The following RGS6 variants were observed in gnomAD, a reference collection of about 807,000 sequenced individuals.
The protein encoded by RGS6 is regulator of G-protein signaling 6.
In RGS6, 30 loss-of-function variants were observed where a neutral mutation model predicts 78.5. That is an observed-to-expected ratio of 0.38 (90% CI 0.29 to 0.52). RGS6 has a LOEUF of 0.52. Among genes scored for constraint, RGS6 ranks in the 20% least tolerant of loss-of-function variants. The pLI, the probability that RGS6 is intolerant of heterozygous loss-of-function variation, is 0.85. For missense variants in RGS6, 495 were observed against 609.7 expected (o/e 0.81, Z 1.98); for synonymous variants, 206 against 206.0 (o/e 1.00, Z 0.00).
chr14:72,028,585 GA>G (rs1256540690), intron 2 of RGS6, among the ~76,000 whole-genome samples: 5 of 152,216 alleles, frequency 3.3e-5, no homozygotes, highest in African/African-American at 1.2e-4. Flanking sequence ...GGTTTCAAAG[GA>G]CAGGCATCCT....
intron 1 of RGS6, among the ~76,000 whole-genome samples, chr14:71,952,536 G>A (rs1188606154): frequency 6.6e-6 from 1 of 151,860 alleles, no homozygotes; most frequent in African/African-American, 2.4e-5. Flanking sequence ...AATTGGTACT[G>A]TAAATTCAAA....
chr14:72,173,982 T>G (rs1431068057), intron 2 of RGS6, among the ~76,000 whole-genome samples: 1 of 152,076 alleles, frequency 6.6e-6, no homozygotes, highest in African/African-American at 2.4e-5. Flanking sequence ...TGGAACACAC[T>G]GGCAGACCCC....
At chr14:72,190,285 T>C (rs1236160459) in intron 2 of RGS6, among the ~76,000 whole-genome samples, 1 of 152,234 alleles carries the variant, frequency 6.6e-6, no homozygotes, top group Admixed American at 6.5e-5. Context: ...CATTACACTC[T>C]GCAGACAATT....
At chr14:72,280,555 G>A (rs1183971986) in intron 2 of RGS6, among the ~76,000 whole-genome samples, 1 of 152,194 alleles carries the variant, frequency 6.6e-6, no homozygotes, top group African/African-American at 2.4e-5. Flanking sequence ...CTCAACAAAT[G>A]TAGTGTGCAC....
chr14:72,512,016 G>A (rs2096884181), intron 14 of RGS6, among the ~76,000 whole-genome samples: 1 of 152,138 alleles, frequency 6.6e-6, no homozygotes, highest in South Asian at 2.1e-4. Context: ...CCAGCTTGAT[G>A]GACCCAGGTG....
chr14:72,208,148 A>T (rs1231498756), intron 2 of RGS6, among the ~76,000 whole-genome samples: 1 of 152,230 alleles, frequency 6.6e-6, no homozygotes, highest in Admixed American at 6.5e-5. Flanking sequence ...ACCCGATTTG[A>T]GCCAGTGAGA....
At chr14:72,232,322 G>T (rs2049853246) in intron 2 of RGS6, among the ~76,000 whole-genome samples, 1 of 152,224 alleles carries the variant, frequency 6.6e-6, no homozygotes, top group Non-Finnish European at 1.5e-5. Flanking sequence ...GGAGAGGGAA[G>T]ATGGTGGAGG....
chr14:72,305,466 T>C (rs2067028260), intron 2 of RGS6, among the ~76,000 whole-genome samples: 1 of 152,238 alleles, frequency 6.6e-6, no homozygotes, highest in African/African-American at 2.4e-5. Flanking sequence ...CAAAAGCATG[T>C]GTTTACTCCA....
intron 1 of RGS6, among the ~76,000 whole-genome samples, chr14:71,938,042 G>A (rs1224963607): frequency 2.6e-5 from 4 of 152,194 alleles, no homozygotes; most frequent in African/African-American, 9.7e-5. Flanking sequence ...TTGTTCATGG[G>A]CCCATTGGGT....
intron 2 of RGS6, among the ~76,000 whole-genome samples, chr14:72,278,626 T>C (rs767312562): frequency 6.6e-6 from 1 of 152,194 alleles, no homozygotes; most frequent in South Asian, 2.1e-4. Flanking sequence ...ATGTTTTATA[T>C]ACTTAGAAAT....
chr14:72,337,482 C>G (rs568338793), intron 2 of RGS6, among the ~76,000 whole-genome samples: 4 of 152,034 alleles, frequency 2.6e-5, no homozygotes, highest in Non-Finnish European at 4.4e-5. Flanking sequence ...CCTCTACTTA[C>G]AACCTTGCCC....
intron 3 of RGS6, among the ~76,000 whole-genome samples, chr14:72,354,125 C>T (rs1193900084): frequency 2.0e-5 from 3 of 152,176 alleles, no homozygotes; most frequent in Non-Finnish European, 2.9e-5. Context: ...GAGACTGTCA[C>T]TCTTTGAACT....
At chr14:72,556,058 C>CAGAT (rs778702470) in intron 17 of RGS6, among the ~76,000 whole-genome samples, 3 of 152,270 alleles carry the variant, frequency 2.0e-5, no homozygotes, top group Non-Finnish European at 4.4e-5. Context: ...ACATTTAATC[C>CAGAT]AGATAGGAGA....
At chr14:72,244,693 A>G (rs866977225) in intron 2 of RGS6, among the ~76,000 whole-genome samples, 1 of 152,322 alleles carries the variant, frequency 6.6e-6, no homozygotes, top group South Asian at 2.1e-4. Context: ...GTGTACCAAA[A>G]GCTTGCTTTC....
At chr14:72,129,819 G>C (rs1181143648) in intron 2 of RGS6, among the ~76,000 whole-genome samples, 1 of 152,150 alleles carries the variant, frequency 6.6e-6, no homozygotes, top group Non-Finnish European at 1.5e-5. Flanking sequence ...AGACAAGGGG[G>C]CCAGACCAGA....
At chr14:72,522,392 T>G (rs1487355801) in intron 15 of RGS6, among the ~76,000 whole-genome samples, 1 of 152,160 alleles carries the variant, frequency 6.6e-6, no homozygotes, top group African/African-American at 2.4e-5. Flanking sequence ...GACACAACAT[T>G]CATTCCACAA....
At chr14:72,394,798 TTAAAG>T (rs1357487926) in intron 3 of RGS6, among the ~76,000 whole-genome samples, 21 of 152,306 alleles carry the variant, frequency 1.4e-4, no homozygotes, top group African/African-American at 4.8e-4. Flanking sequence ...GATTAAGAGA[TTAAAG>T]TAAAGACAGG....
chr14:72,383,221 AAC>A (rs2086797565), intron 3 of RGS6, among the ~76,000 whole-genome samples: 1 of 79,688 alleles, frequency 1.3e-5, no homozygotes, highest in Non-Finnish European at 2.7e-5. Context: ...TATACACACA[AAC>A]ACACTAGTAT....
At chr14:72,530,313 C>A (rs1198852160) in intron 15 of RGS6, among the ~76,000 whole-genome samples, 1 of 152,174 alleles carries the variant, frequency 6.6e-6, no homozygotes, top group East Asian at 1.9e-4. Context: ...GCTCTGTCAG[C>A]CAGAAAGAAG....
Sources: allele counts gnomAD v4.1 joint callset (sites outside exome capture counted in the v4.1 genomes callset), GRCh38; gene constraint gnomAD v4.1.1; transcripts MANE v1.5; gene names NCBI Gene and HGNC (gene_info 2026-07-23, HGNC 2026-07-21).